Variants in ERI2 observed in about 807,000 individuals in gnomAD.
ERI2 encodes ERI1 exoribonuclease family member 2.
Under a neutral mutation model 46.8 loss-of-function variants are expected in ERI2, and 35 were observed. The observed-to-expected ratio is 0.75, with a 90% CI of 0.57 to 0.99. The LOEUF (loss-of-function observed/expected upper bound fraction) is 0.99, where lower values mean the gene tolerates loss of function less well. Ranked by LOEUF, ERI2 falls within the 50% of genes least tolerant of loss-of-function variation. The probability of loss-of-function intolerance (pLI) is 0.00; values close to 1 mark genes in which losing one functional copy is unlikely to be tolerated. For synonymous variants in ERI2, 224 were observed against 271.0 expected (o/e 0.83, Z 1.70); for missense variants, 695 against 796.2 (o/e 0.87, Z 1.53).
chr16:20,796,048 T>C (rs970543307), downstream of ERI2: 1 of 217,998 alleles, frequency 4.6e-6, no homozygotes, highest in Non-Finnish European at 9.0e-6. Context: ...CACAGCCTTG[T>C]ATAAAGACTG....
intron 10 of ERI2, chr16:20,785,982 A>C (rs1423616947): frequency 2.5e-6 from 2 of 795,796 alleles, no homozygotes; most frequent in East Asian, 5.7e-5. Context: ...GTTCATAGTA[A>C]GTTTTCAATA....
Position 20,796,785 on chromosome 16 carries a change from C to G in ERI2, c.*939G>C, listed in dbSNP as rs886470830. On this transcript the variant is annotated 3_prime_UTR_variant, in exon 9 of 9. Transcript: ENST00000357967. ...CCCAAAACCCATTCCAAAGACTATT[C>G]TAATTCTTCCACCTAGAATTCATAA... The G allele has an allele frequency of 6.4e-7, 1 of 1,556,906 alleles. No homozygotes were observed. Among genetic ancestry groups the G allele is most frequent in the African/African-American group, 1.4e-5 (1 of 72,212 alleles).
Position 20,806,415 on chromosome 16 carries a change from G to A in ERI2, c.16C>T (p.Leu6Phe). 1.3e-6 allele frequency: 2 copies of A among 1,552,516 alleles called. No homozygotes were observed. Among genetic ancestry groups the A allele is most frequent in the Non-Finnish European group, 1.7e-6 (2 of 1,147,848 alleles). MATKR[L>F]ARQLGLIRRK... The stretch of plus-strand genomic sequence containing the variant: ...CGGAACTCCCTCGAGTACCGCGCGA[G>A]CCGCTTGGTCGCCATTCCCGACACT... Residue 6 changes from leucine (L) to phenylalanine (F), a missense_variant, in exon 1 of 9, where the codon CTC becomes TTC. Transcript: ENST00000357967.
rs149105300 is a variant in ERI2, at chr16:20,803,618, C to T, written c.76G>A (p.Gly26Arg). ...TACTACTCACTGGATTTGCTTCTTC[C>T]GAGATTTCCATTTGCTGGCGCAATT... is the stretch of plus-strand genomic sequence containing the variant. ...KSIAPANGNL[G>R]RSKSKQLFDY... is the part of the protein sequence containing the mutation. The change falls in exon 2 of 9, where the codon GGA (glycine) becomes AGA (arginine). Residue 26 changes from glycine (G) to arginine (R), a missense_variant. Gly to Arg is a moderately radical substitution (Grantham distance 125). Coordinates refer to ENST00000357967, the MANE Select transcript of ERI2 (RefSeq NM_001142725.2). The T allele has an allele frequency of 1.5e-3, 2,496 of 1,614,086 alleles. 6 individuals carry two copies. The highest frequency in any genetic ancestry group is 1.5e-3 in the Non-Finnish European group (1,818 of 1,180,002).
chr16:20,791,396 A>G (rs759173130), downstream of ERI2, among the ~76,000 whole-genome samples: 1 of 152,242 alleles, frequency 6.6e-6, no homozygotes, highest in Non-Finnish European at 1.5e-5. Context: ...TCTATTAATC[A>G]ATTAGCAAAA....
At position 20,804,108 on chromosome 16, in the gene ERI2, C is replaced by T. The variant is rs535584811; in HGVS notation, c.24-438G>A. 2.9e-4 allele frequency among the ~76,000 whole-genome samples: 44 copies of T among 152,002 alleles called. No individual in the cohort carries two copies. In the South Asian group the frequency reaches 6.5e-3, roughly 22 times the overall value. ...AGCTCCAGCAATCCTCCCACCTCAG[C>T]CCCTCAAAGTGCTGGGATTACAGGC... On this transcript the variant is annotated intron_variant, in intron 1 of 8. Transcript: ENST00000357967.
In ERI2 at chr16:20,799,247, G is replaced by T. The variant is rs781325119; in HGVS notation, c.732+16C>A. ...AAGTTTGAGATGACAGAATAAAAAG[G>T]CAAGACACTACTAACCTTGTTCAAC... On this transcript the variant is annotated intron_variant, in intron 8 of 8. Coordinates refer to ENST00000357967, the MANE Select transcript of ERI2 (RefSeq NM_001142725.2). The T allele has an allele frequency of 2.4e-5, 38 of 1,611,418 alleles. No homozygotes were observed. In the South Asian group the frequency reaches 4.0e-4, roughly 17 times the overall value.
rs577189298 is a variant in ERI2, at chr16:20,786,452, G to A, written c.894+3027C>T. 5.9e-4 allele frequency: 247 copies of A among 417,682 alleles called. 1 individual carries two copies. The highest frequency in any genetic ancestry group is 4.7e-3 in the African/African-American group (231 of 48,696). The allele number at this position is 417,682 out of a possible 1,614,324, so 25.9% of individuals were successfully genotyped here. A position where few individuals can be genotyped will look rare whatever the true frequency, so the allele number is the denominator to read the frequency against. On this transcript the variant is annotated intron_variant, in intron 10 of 10. Transcript: ENST00000300005. ...TCCCAACACTTTGGGAGGCCAAGGC[G>A]GGAGCATCACTTGAGCCCAGGAGTT... is the stretch of plus-strand genomic sequence containing the variant.
chr16:20,798,811 A>G lies in ERI2; in HGVS notation c.989T>C (p.Leu330Pro). 1 of 1,551,606 alleles carries G rather than the reference A, an allele frequency of 6.4e-7. No homozygotes were observed. The highest frequency in any genetic ancestry group is 8.7e-7 in the Non-Finnish European group (1 of 1,146,904). ...SLHNVKSSLP[L>P]FNTKSSTSVG... ...AGAAGTAGAGGACTTAGTATTAAAAAGAGGTAAGGAACTTTTGACATTGTG... is the reference window on the plus strand; with the variant it reads ...AGAAGTAGAGGACTTAGTATTAAAAGGAGGTAAGGAACTTTTGACATTGTG... Residue 330 changes from leucine to proline, a missense_variant, in exon 9 of 9, where the codon CTT becomes CCT. Leu to Pro is a moderately conservative substitution (Grantham distance 98). Coordinates refer to ENST00000357967, the MANE Select transcript of ERI2 (RefSeq NM_001142725.2).
In ERI2 at chr16:20,803,388, T is replaced by C. The variant is rs1203205383; in HGVS notation, c.175+45A>G. 5 of 1,581,850 alleles carry C rather than the reference T, an allele frequency of 3.2e-6. No homozygotes were observed. The African/African-American group carries it at 5.4e-5, about 17-fold the overall frequency. On this transcript the variant is annotated intron_variant, in intron 3 of 8. Transcript: ENST00000357967. ...TGATTCAGATCTATAAACTTTAAAG[T>C]GACTCATCTAGTGCCAGCTTTGGCC... is the stretch of plus-strand genomic sequence containing the variant.
At chr16:20,792,168 C>T, downstream of ERI2, 1 of 1,614,046 alleles carries the variant, frequency 6.2e-7, no homozygotes, top group Non-Finnish European at 8.5e-7. Flanking sequence ...TCTGTGTTAA[C>T]TGATCATCAG....
Position 20,790,815 on chromosome 16 carries a change from A to G in ERI2, c.815+35T>C, listed in dbSNP as rs1052696111. 1 of 1,613,870 alleles carries G rather than the reference A, an allele frequency of 6.2e-7. No individual in the cohort carries two copies. Among genetic ancestry groups the G allele is most frequent in the Admixed American group, 1.7e-5 (1 of 59,968 alleles). On this transcript the variant is annotated intron_variant, in intron 9 of 10. Transcript: ENST00000300005. The surrounding 1 kb of genome is among the most constrained non-coding windows in gnomAD (Gnocchi z 4.0). ...TTTCTTGAGAGATTGGTTGTCCTGA[A>G]TAGTAATCCAAAAGACAAGAAATTG...
At chr16:20,803,736 C>G in intron 1 of ERI2, 66 bp from the exon 2 acceptor site, 1 of 1,532,056 alleles carries the variant, frequency 6.5e-7, no homozygotes, top group Non-Finnish European at 9.0e-7. Context: ...GAGTAGGCTA[C>G]CAAACTAATG....
At chr16:20,800,584 T>A in intron 5 of ERI2, 182 bp from the exon 6 acceptor site, 1 of 395,132 alleles carries the variant, frequency 2.5e-6, no homozygotes, top group Non-Finnish European at 4.6e-6. Context: ...GTTAGGTTGA[T>A]GACTAAATTT....
Position 20,797,824 on chromosome 16 carries a change from C to T in ERI2, c.1976G>A (p.Gly659Glu), listed in dbSNP as rs766493234. ...NSMVPSHSTG[G>E]LTFSSPETSH... ...TGTTTCTGGAGAACTAAAAGTGAGT[C>T]CCCCTGTGGAATGAGATGGAACCAT... Residue 659 changes from glycine to glutamate, a missense_variant, in exon 9 of 9, where the codon GGA becomes GAA. By Grantham distance (98) the Gly-to-Glu change is moderately conservative. Transcript: ENST00000357967. 1 of 1,551,406 alleles carries T rather than the reference C, an allele frequency of 6.4e-7. No homozygotes were observed. Among genetic ancestry groups the T allele is most frequent in the Non-Finnish European group, 8.7e-7 (1 of 1,146,834 alleles).
intron 10 of ERI2, chr16:20,781,239 A>G (rs773093336): frequency 1.2e-4 from 161 of 1,334,866 alleles, no homozygotes; most frequent in Non-Finnish European, 1.6e-4. Context: ...AATATGATTT[A>G]AGATATGTCA....
At chr16:20,799,206 C>A (rs1046941067) in intron 8 of ERI2, 57 bp downstream of exon 8, 2 of 1,592,454 alleles carry the variant, frequency 1.3e-6, no homozygotes, top group Non-Finnish European at 1.7e-6. Context: ...TTTCAAAGAA[C>A]GTATGACTGT....
chr16:20,792,240 C>T (rs201966838), downstream of ERI2: 22 of 1,614,042 alleles, frequency 1.4e-5, no homozygotes, highest in Non-Finnish European at 1.8e-5. Flanking sequence ...TTCTAGCTAT[C>T]GAATTGGACC....
chr16:20,806,261 C>A, intron 1 of ERI2, 147 bp downstream of exon 1: 5 of 1,419,590 alleles, frequency 3.5e-6, no homozygotes, highest in Non-Finnish European at 4.6e-6. Context: ...CCTTTCCAAC[C>A]GTGCCAGAGA....
Sources: allele counts gnomAD v4.1 joint callset (sites outside exome capture counted in the v4.1 genomes callset), GRCh38; gene constraint gnomAD v4.1.1; non-coding constraint Gnocchi (gnomAD v3.1); transcripts MANE v1.5; gene names NCBI Gene and HGNC (gene_info 2026-07-23, HGNC 2026-07-21).